FAN1: variants seen among roughly 807,000 people sequenced by gnomAD.
The protein encoded by FAN1 is FANCD2 and FANCI associated nuclease 1.
In FAN1, 91 loss-of-function variants were observed where a neutral mutation model predicts 104.9. The observed-to-expected ratio is 0.87, with a 90% CI of 0.73 to 1.03. FAN1 has a LOEUF of 1.03. Ranked by LOEUF, FAN1 falls within the 50% of genes least tolerant of loss-of-function variation. The pLI, the probability that FAN1 is intolerant of heterozygous loss-of-function variation, is 0.00. For missense variants in FAN1, 1,263 were observed against 1,239.9 expected (o/e 1.02, Z -0.28); for synonymous variants, 478 against 457.6 (o/e 1.04, Z -0.57).
At chr15:30,937,393 A>G in intron 14 of FAN1, 134 bp downstream of exon 14, 1 of 782,650 alleles carries the variant, frequency 1.3e-6, no homozygotes, top group Non-Finnish European at 2.0e-6. Context: ...TCTGCATATC[A>G]CAAAACAGTG....
intron 6 of FAN1, among the ~76,000 whole-genome samples, chr15:30,918,526 C>T (rs1020956736): frequency 6.6e-6 from 1 of 152,194 alleles, no homozygotes; most frequent in East Asian, 1.9e-4. Context: ...GGGCAACACA[C>T]ATGCCAACCC....
intron 4 of FAN1, chr15:30,911,767 ATT>A: frequency 7.3e-6 from 7 of 958,890 alleles, no homozygotes; most frequent in Non-Finnish European, 8.7e-6. Context: ...TAAACATTAA[ATT>A]TAGCCACCCT....
At chr15:30,922,170 G>T in intron 7 of FAN1, 65 bp from the exon 8 acceptor site, 1 of 1,575,810 alleles carries the variant, frequency 6.3e-7, no homozygotes, top group South Asian at 1.2e-5. Flanking sequence ...CTATGGGCTT[G>T]TAAATATCAT....
rs1476953673 is a variant in FAN1 at position 30,913,955 on chromosome 15, G to C, written c.1675G>C (p.Glu559Gln). The change falls in exon 5 of 15, where the codon GAA becomes CAA. Residue 559 changes from glutamate to glutamine, a missense_variant. Physicochemically the swap from Glu to Gln is conservative, Grantham distance 29. Around this residue, in one of 2 missense-constraint regions of FAN1, gnomAD observed 581 missense variants for 668.8 expected, o/e 0.87. Transcript: ENST00000362065. The stretch of plus-strand genomic sequence containing the variant: ...ACTGTTTTCGTTGACCGACTCAATG[G>C]AAGATGAAGACGCCGCTTGTGGAGG... ...LLLFSLTDSM[E>Q]DEDAACGGQG... 6.2e-7 allele frequency: 1 copy of C among 1,614,186 alleles called. No homozygotes were observed. Among genetic ancestry groups the C allele is most frequent in the Admixed American group, 1.7e-5 (1 of 60,028 alleles).
In FAN1 at chr15:30,910,606, C is replaced by T; in HGVS notation, c.1376-8C>T. Reference sequence around the variant, plus strand: ...ATTTAAAAAAACTTTTTTTTTTAACCATTTCAGAATCTGAGTTGCAAGAAC... The same window carrying T: ...ATTTAAAAAAACTTTTTTTTTTAACTATTTCAGAATCTGAGTTGCAAGAAC... On this transcript the variant is annotated splice_polypyrimidine_tract_variant and splice_region_variant and intron_variant, in intron 3 of 14. Coordinates refer to ENST00000362065, the MANE Select transcript of FAN1 (RefSeq NM_014967.5). 1.4e-6 allele frequency: 2 copies of T among 1,477,772 alleles called. No homozygotes were observed. Among genetic ancestry groups the T allele is most frequent in the Non-Finnish European group, 1.8e-6 (2 of 1,105,992 alleles). The allele number at this position is 1,477,772 out of a possible 1,614,324, so 91.5% of individuals were successfully genotyped here.
At chr15:30,933,753 C>CTTT (rs545200453) in intron 13 of FAN1, among the ~76,000 whole-genome samples, 8 of 136,164 alleles carry the variant, frequency 5.9e-5, no homozygotes, top group African/African-American at 8.9e-5. Context: ...TATTTCTTTT[C>CTTT]TTTTTTTTTT....
rs1402007310 is a variant in FAN1 at position 30,914,100 on chromosome 15, A to ATGT, written c.1811+11_1811+13dup. On this transcript the variant is annotated intron_variant, in intron 5 of 14. Coordinates refer to ENST00000362065, the MANE Select transcript of FAN1 (RefSeq NM_014967.5). ...AGAGATGATCTTATCAGGTAAGATG[A>ATGT]TGTTAGCTCACTATAATGTCTATAT... 1.9e-6 allele frequency: 3 copies of ATGT among 1,572,816 alleles called. No homozygotes were observed. Among genetic ancestry groups the ATGT allele is most frequent in the Admixed American group, 3.4e-5 (2 of 59,584 alleles).
rs1566921094 is a variant in FAN1, at chr15:30,920,648, T to C, written c.2047T>C (p.Tyr683His). Reference sequence around the variant, plus strand: ...GGAAATACTGCAGAGACTTCACATGTATGAGGTTAGAGCACAGGTCCCTGC... The same window carrying C: ...GGAAATACTGCAGAGACTTCACATGCATGAGGTTAGAGCACAGGTCCCTGC... Reference protein sequence around the residue: ...FVEILQRLHMYEEAVRELESL... With the variant: ...FVEILQRLHMHEEAVRELESL... Residue 683 changes from tyrosine (Y) to histidine (H), a missense_variant, in exon 7 of 15, where the codon TAT (tyrosine) becomes CAT (histidine). Transcript: ENST00000362065. 3 of 1,595,138 alleles carry C rather than the reference T, an allele frequency of 1.9e-6. No homozygotes were observed. The highest frequency in any genetic ancestry group is 2.6e-6 in the Non-Finnish European group (3 of 1,164,588).
At chr15:30,911,108 T>TA in intron 4 of FAN1, 1 of 1,147,244 alleles carries the variant, frequency 8.7e-7, no homozygotes, top group Non-Finnish European at 1.1e-6. Context: ...AAGTGATTCT[T>TA]ATGGGATTTT....
At position 30,925,225 on chromosome 15, in the gene FAN1, G is replaced by C. The variant is rs60719098; in HGVS notation, c.2271G>C (p.Pro757=). 6.9e-3 allele frequency: 11,200 copies of C among 1,613,980 alleles called. 686 individuals carry two copies. The African/African-American group carries it at 0.13, about 19-fold the overall frequency. The change falls in exon 9 of 15, where the codon CCG becomes CCC. Residue 757 remains proline (P), a synonymous_variant. Coordinates refer to ENST00000362065, the MANE Select transcript of FAN1 (RefSeq NM_014967.5). ...GAGCCGTGCGCCTGCGAGAGTCTCC[G>C]AGCTGTAAAAAGTTCAAGCACCTCT... The part of the protein sequence containing the change: ...YQRAVRLRES[P]SCKKFKHLFQ...
intron 10 of FAN1, 67 bp from the exon 11 acceptor site, chr15:30,928,486 A>G: frequency 6.3e-7 from 1 of 1,582,596 alleles, no homozygotes; most frequent in Non-Finnish European, 8.6e-7. Flanking sequence ...GTGTTTTGGA[A>G]GAAACAGATA....
At chr15:30,936,059 C>T (rs2062844178) in intron 13 of FAN1, among the ~76,000 whole-genome samples, 1 of 151,764 alleles carries the variant, frequency 6.6e-6, no homozygotes, top group African/African-American at 2.4e-5. Flanking sequence ...AATTAAATGT[C>T]CCTTAGGCTG....
intron 10 of FAN1, 164 bp from the exon 11 acceptor site, chr15:30,928,389 T>G (rs946935866): frequency 1.4e-6 from 2 of 1,449,316 alleles, no homozygotes; most frequent in African/African-American, 1.4e-5. Flanking sequence ...TAAAATAAAC[T>G]GGGAATGGCG....
At chr15:30,908,825 G>C (rs1403550187) in intron 3 of FAN1, among the ~76,000 whole-genome samples, 1 of 152,218 alleles carries the variant, frequency 6.6e-6, no homozygotes, top group Admixed American at 6.5e-5. Flanking sequence ...TGGGCAACCA[G>C]AGTGAAACTC....
intron 8 of FAN1, among the ~76,000 whole-genome samples, chr15:30,922,683 G>A (rs2140930260): frequency 6.6e-6 from 1 of 152,340 alleles, no homozygotes; most frequent in East Asian, 1.9e-4. Context: ...GTCAGCAAGT[G>A]CCTTCAAGGA....
At chr15:30,914,285 C>T (rs2062157424) in intron 5 of FAN1, among the ~76,000 whole-genome samples, 194 bp downstream of exon 5, 1 of 150,462 alleles carries the variant, frequency 6.6e-6, no homozygotes. Flanking sequence ...ATTATGGTTG[C>T]CAAAATCCAA....
At chr15:30,915,243 G>A (rs2062176278) in intron 5 of FAN1, among the ~76,000 whole-genome samples, 1 of 152,146 alleles carries the variant, frequency 6.6e-6, no homozygotes, top group African/African-American at 2.4e-5. Context: ...TATGTGGGAG[G>A]TAAAAAAGTG....
chr15:30,929,301 C>T lies in FAN1; in HGVS notation c.2691C>T (p.Ser897=). The T allele has an allele frequency of 6.2e-7, 1 of 1,612,748 alleles. No individual in the cohort carries two copies. Among genetic ancestry groups the T allele is most frequent in the Non-Finnish European group, 8.5e-7 (1 of 1,179,448 alleles). ...LQLIHDAPEE[S]LRAWVAATWH... ...TGATTCATGATGCCCCCGAGGAGAG[C>T]CTGCGGGCCTGGGTGGCAGCCACGT... Residue 897 remains serine, a synonymous_variant, in exon 12 of 15, where the codon AGC becomes AGT. Coordinates refer to ENST00000362065, the MANE Select transcript of FAN1 (RefSeq NM_014967.5).
chr15:30,905,354 G>C lies in FAN1; in HGVS notation c.691G>C (p.Val231Leu). 2 of 1,613,940 alleles carry C rather than the reference G, an allele frequency of 1.2e-6. No homozygotes were observed. The highest frequency in any genetic ancestry group is 4.5e-5 in the East Asian group (2 of 44,890). ...LKEECIPEHM[V>L]RGSKIMEAES... is the part of the protein sequence containing the mutation. ...GGAAGAGTGCATTCCTGAACATATG[G>C]TAAGAGGAAGTAAAATAATGGAAGC... Residue 231 changes from valine (V) to leucine (L), a missense_variant, in exon 2 of 15, where the codon GTA (valine) becomes CTA (leucine). Physicochemically the swap from Val to Leu is conservative, Grantham distance 32. This residue lies in a region of FAN1 where 682 missense variants were observed against 571.1 expected (regional missense o/e 1.19). Transcript: ENST00000362065.
Sources: allele counts gnomAD v4.1 joint callset (sites outside exome capture counted in the v4.1 genomes callset), GRCh38; gene constraint gnomAD v4.1.1; regional missense constraint gnomAD v4.1.1; transcripts MANE v1.5; gene names NCBI Gene and HGNC (gene_info 2026-07-23, HGNC 2026-07-21).